The following RPA1 variants were observed in gnomAD, a reference collection of about 807,000 sequenced individuals.
The protein encoded by RPA1 is replication protein A 70 kDa DNA-binding subunit.
RPA1 carries 49 observed loss-of-function variants against 83.0 expected under a neutral mutation model. That is an observed-to-expected ratio of 0.59 (90% CI 0.47 to 0.75). RPA1 has a LOEUF of 0.75. Ranked by LOEUF, RPA1 falls within the 30% of genes least tolerant of loss-of-function variation. RPA1 has a pLI of 0.00. For missense variants in RPA1, 693 were observed against 776.1 expected, an observed-to-expected ratio of 0.89 and a Z score of 1.27; for synonymous variants, 279 against 281.8, an observed-to-expected ratio of 0.99 and a Z score of 0.10.
rs1235568883 is a variant in RPA1 at position 1,898,983 on chromosome 17, C to T, written c.*1808C>T. 1 of 152,910 alleles carries T rather than the reference C, an allele frequency of 6.5e-6. No individual in the cohort carries two copies. Among genetic ancestry groups the T allele is most frequent in the Non-Finnish European group, 1.5e-5 (1 of 68,116 alleles). The allele number at this position is 152,910 out of a possible 1,614,324, so 9.5% of individuals were successfully genotyped here. A position where few individuals can be genotyped will look rare whatever the true frequency, so the allele number is the denominator to read the frequency against. On this transcript the variant is annotated 3_prime_UTR_variant, in exon 17 of 17. Coordinates refer to ENST00000254719, the MANE Select transcript of RPA1 (RefSeq NM_002945.5). ...TACTCCCAGCATTCCCTCCTCTCCC[C>T]ACGTGTCTGTCCACACAGTGAAGAG... is the stretch of plus-strand genomic sequence containing the variant.
chr17:1,848,818 C>T (rs895791609), intron 4 of RPA1, among the ~76,000 whole-genome samples: 1 of 152,064 alleles, frequency 6.6e-6, no homozygotes, highest in African/African-American at 2.4e-5. Flanking sequence ...CCCACCTCGG[C>T]CTCCCAAAGT....
intron 6 of RPA1, among the ~76,000 whole-genome samples, chr17:1,875,150 A>C (rs1313964128): frequency 6.6e-6 from 1 of 152,198 alleles, no homozygotes; most frequent in African/African-American, 2.4e-5. Flanking sequence ...TACAGACTTC[A>C]TTCTAGACTT....
chr17:1,870,083 G>C (rs3786135), intron 5 of RPA1, among the ~76,000 whole-genome samples: 36,085 of 152,064 alleles, frequency 0.24, 4,393 homozygotes, highest in African/African-American at 0.26. Flanking sequence ...CTGCTTCCCA[G>C]CTGTGTGATT....
At chr17:1,855,532 T>C (rs7504075) in intron 5 of RPA1, among the ~76,000 whole-genome samples, 131,876 of 152,206 alleles carry the variant, frequency 0.87, 57,452 homozygotes, top group Non-Finnish European at 0.92. Context: ...GATAAGTCTA[T>C]GTCATGATGT....
chr17:1,885,969 G>A (rs57064999), intron 13 of RPA1, among the ~76,000 whole-genome samples: 60,014 of 151,636 alleles, frequency 0.4, 12,212 homozygotes, highest in East Asian at 0.55. Context: ...TTGAGCCCTC[G>A]GGTGAACAGG....
intron 1 of RPA1, among the ~76,000 whole-genome samples, chr17:1,839,968 T>C (rs1438728674): frequency 2.0e-5 from 3 of 151,544 alleles, no homozygotes; most frequent in Non-Finnish European, 2.9e-5. Flanking sequence ...ACTTTTTGTA[T>C]TTTTTGTAGA....
Position 1,897,277 on chromosome 17 carries a change from G to A in RPA1, c.*102G>A, listed in dbSNP as rs1914478371. 2.3e-6 allele frequency: 2 copies of A among 867,274 alleles called. No homozygotes were observed. The highest frequency in any genetic ancestry group is 1.7e-5 in the African/African-American group (1 of 58,690). 53.7% of individuals were successfully genotyped at this position (867,274 alleles called of 1,614,324 possible). ...TCCCATGTTAGCTACACAGTGCAGA[G>A]GCTCTTGATGGTGGACTAAGCAATT... On this transcript the variant is annotated 3_prime_UTR_variant, in exon 17 of 17. Coordinates refer to ENST00000254719, the MANE Select transcript of RPA1 (RefSeq NM_002945.5).
At chr17:1,845,768 G>A (rs972284484) in intron 4 of RPA1, among the ~76,000 whole-genome samples, 2 of 151,864 alleles carry the variant, frequency 1.3e-5, no homozygotes, top group South Asian at 2.1e-4. Context: ...TTGTCTCTAC[G>A]AAAAAAAGGA....
intron 1 of RPA1, among the ~76,000 whole-genome samples, chr17:1,841,394 C>G (rs1268060146): frequency 1.3e-5 from 2 of 152,182 alleles, no homozygotes; most frequent in Non-Finnish European, 2.9e-5. Flanking sequence ...ACCTCCGCCT[C>G]CTGGGTTCAA....
chr17:1,858,135 G>A (rs960781703), intron 5 of RPA1: 104 of 1,613,670 alleles, frequency 6.4e-5, no homozygotes, highest in Non-Finnish European at 8.6e-5. Flanking sequence ...CTTTTCCTAG[G>A]TTCCACATCA....
Position 1,891,840 on chromosome 17 carries a change from T to C in RPA1, c.1559T>C (p.Ile520Thr). ...TAGAATTGTGTTTTTTAGGTAAATATTGCAGATTTTCAAGAGAATCAGTGG... is the reference window on the plus strand; with the variant it reads ...TAGAATTGTGTTTTTTAGGTAAATACTGCAGATTTTCAAGAGAATCAGTGG... ...FKYRMILSVN[I>T]ADFQENQWVT... The change falls in exon 15 of 17, where the codon ATT becomes ACT. Residue 520 changes from isoleucine to threonine, a missense_variant. By Grantham distance (89) the Ile-to-Thr change is moderately conservative. Coordinates refer to ENST00000254719, the MANE Select transcript of RPA1 (RefSeq NM_002945.5). 1 of 1,588,670 alleles carries C rather than the reference T, an allele frequency of 6.3e-7. No individual in the cohort carries two copies. Among genetic ancestry groups the C allele is most frequent in the South Asian group, 1.1e-5 (1 of 89,248 alleles).
At chr17:1,837,069 C>CTCGTG (rs1567799472) in intron 1 of RPA1, among the ~76,000 whole-genome samples, 1 of 151,976 alleles carries the variant, frequency 6.6e-6, no homozygotes, top group Non-Finnish European at 1.5e-5. Flanking sequence ...ATCTCTTGAC[C>CTCGTG]TCGTGATCCA....
chr17:1,883,692 G>C, intron 12 of RPA1, 120 bp from the exon 13 acceptor site: 1 of 1,231,528 alleles, frequency 8.1e-7, no homozygotes, highest in Non-Finnish European at 1.2e-6. Context: ...ACCGTGACCT[G>C]TGTGAAAGCT....
intron 4 of RPA1, among the ~76,000 whole-genome samples, chr17:1,847,623 G>A (rs962270582): frequency 2.6e-5 from 4 of 152,260 alleles, no homozygotes; most frequent in South Asian, 4.1e-4. Context: ...TTATCTTAAC[G>A]TGTTTATGCT....
chr17:1,891,741 T>G (rs1432556466), intron 14 of RPA1, 92 bp from the exon 15 acceptor site: 31 of 847,280 alleles, frequency 3.7e-5, no homozygotes, highest in Non-Finnish European at 5.6e-5. Context: ...ATTATTTTAA[T>G]AAGTGGAAAA....
chr17:1,840,348 G>A lies in RPA1; in HGVS notation c.34-2455G>A, dbSNP rs545382996. Among the ~76,000 whole-genome samples, 5 of 151,890 alleles carry A rather than the reference G, an allele frequency of 3.3e-5. No individual in the cohort carries two copies. The South Asian group carries it at 6.2e-4, about 19-fold the overall frequency. On this transcript the variant is annotated intron_variant, in intron 1 of 16. Coordinates refer to ENST00000254719, the MANE Select transcript of RPA1 (RefSeq NM_002945.5). ...GCTGCCCAGGTTGGAGTGCAGTGGC[G>A]CGATCTCAGCTCACTGCAACCTCCG... is the stretch of plus-strand genomic sequence containing the variant.
chr17:1,893,929 T>C (rs1020173758), intron 15 of RPA1, among the ~76,000 whole-genome samples: 6 of 152,042 alleles, frequency 3.9e-5, no homozygotes, highest in Non-Finnish European at 8.8e-5. Context: ...TGTGCGATCA[T>C]GGCTCACTGC....
At chr17:1,858,268 C>T (rs557440177) in intron 5 of RPA1, 61 of 1,612,638 alleles carry the variant, frequency 3.8e-5, no homozygotes, top group African/African-American at 2.7e-4. Flanking sequence ...CTCAAAGTTC[C>T]CAGGGAGTAA....
chr17:1,856,704 A>G (rs372517533), intron 5 of RPA1, among the ~76,000 whole-genome samples: 1 of 150,650 alleles, frequency 6.6e-6, no homozygotes, highest in Non-Finnish European at 1.5e-5. Context: ...TTAATTTTTT[A>G]TATTTTTAGT....
Sources: gnomAD v4.1 joint callset for allele counts (sites outside exome capture counted in the v4.1 genomes callset) on GRCh38, gnomAD v4.1.1 for gene constraint, MANE v1.5 for transcripts, NCBI Gene and HGNC (gene_info 2026-07-23, HGNC 2026-07-21) for gene names.